Variants in DNAH9 observed in about 807,000 individuals in gnomAD.
DNAH9 encodes the protein dynein axonemal heavy chain 9, also known as DNAH9 variant protein.
DNAH9 carries 345 observed loss-of-function variants against 471.6 expected under a neutral mutation model. That is an observed-to-expected ratio of 0.73 (90% CI 0.67 to 0.80). The LOEUF is 0.80. DNAH9 is among the 30% of genes least tolerant of loss of function. The pLI is 0.00. For missense variants in DNAH9, 5,407 were observed against 5,609.2 expected (o/e 0.96, Z 1.15); for synonymous variants, 2,093 against 2,123.6 (o/e 0.99, Z 0.40).
intron 56 of DNAH9, among the ~76,000 whole-genome samples, chr17:11,885,025 T>C (rs1324185834): frequency 6.6e-6 from 1 of 152,210 alleles, no homozygotes; most frequent in Non-Finnish European, 1.5e-5. Context: ...TTGTTCAGTT[T>C]CTTTTTGTCT....
At chr17:11,911,370 T>G (rs183106125) in intron 61 of DNAH9, among the ~76,000 whole-genome samples, 2 of 152,348 alleles carry the variant, frequency 1.3e-5, no homozygotes, top group East Asian at 3.9e-4. Context: ...GGACTATTAT[T>G]TATATCACAT....
intron 32 of DNAH9, among the ~76,000 whole-genome samples, chr17:11,749,444 T>C (rs1401978564): frequency 6.6e-6 from 1 of 152,124 alleles, no homozygotes. Flanking sequence ...GCATTGCTAA[T>C]GCTTCCCCAA....
intron 49 of DNAH9, among the ~76,000 whole-genome samples, chr17:11,848,042 AACCT>A: frequency 6.6e-6 from 1 of 152,160 alleles, no homozygotes; most frequent in East Asian, 1.9e-4. Flanking sequence ...GTGGAACTGG[AACCT>A]CCCCAGCTCC....
chr17:11,925,384 A>C, intron 62 of DNAH9: 1 of 311,394 alleles, frequency 3.2e-6, no homozygotes, highest in Non-Finnish European at 6.4e-6. Flanking sequence ...CTTTGTCCTT[A>C]ATTATTCAGT....
chr17:11,849,199 A>G (rs1971328212), intron 49 of DNAH9, among the ~76,000 whole-genome samples: 1 of 151,906 alleles, frequency 6.6e-6, no homozygotes, highest in Non-Finnish European at 1.5e-5. Flanking sequence ...CCCAAATCCA[A>G]TCACTTCTCA....
intron 5 of DNAH9, 22 bp from the exon 6 acceptor site, chr17:11,619,526 T>C (rs779890466): frequency 2.5e-5 from 35 of 1,405,938 alleles, no homozygotes; most frequent in Non-Finnish European, 2.9e-5. Context: ...TGCTCAGTGA[T>C]ACTAATCTGT....
At chr17:11,771,919 G>A (rs1181076820) in intron 38 of DNAH9, among the ~76,000 whole-genome samples, 2 of 152,092 alleles carry the variant, frequency 1.3e-5, no homozygotes, top group African/African-American at 2.4e-5. Context: ...CTGTGAATAA[G>A]AATTTGTATT....
At chr17:11,688,971 C>G (rs1402398394) in intron 19 of DNAH9, among the ~76,000 whole-genome samples, 1 of 152,034 alleles carries the variant, frequency 6.6e-6, no homozygotes, top group African/African-American at 2.4e-5. Context: ...TGGCAGGTGT[C>G]TGTATTCCCA....
At chr17:11,612,104 G>T in intron 4 of DNAH9, 1 of 578,584 alleles carries the variant, frequency 1.7e-6, no homozygotes, top group South Asian at 2.2e-5. Flanking sequence ...AGAACTTATT[G>T]ACTTAACACA....
chr17:11,770,595 G>A (rs1968167525), intron 38 of DNAH9, among the ~76,000 whole-genome samples: 1 of 152,188 alleles, frequency 6.6e-6, no homozygotes, highest in East Asian at 1.9e-4. Flanking sequence ...ATCCACTGCT[G>A]AGCCAATCCC....
intron 50 of DNAH9, among the ~76,000 whole-genome samples, chr17:11,859,494 A>G (rs1335618838): frequency 6.6e-6 from 1 of 152,040 alleles, no homozygotes; most frequent in African/African-American, 2.4e-5. Context: ...TCTATTACAT[A>G]GAGGCAGCTC....
chr17:11,679,877 G>T lies in DNAH9; in HGVS notation c.3474G>T (p.Arg1158=), dbSNP rs759728725. 1.2e-6 allele frequency: 2 copies of T among 1,614,108 alleles called. No individual in the cohort carries two copies. Among genetic ancestry groups the T allele is most frequent in the Non-Finnish European group, 1.7e-6 (2 of 1,179,996 alleles). The change falls in exon 18 of 69, where the codon CGG becomes CGT. Residue 1158 remains arginine (R), a synonymous_variant. Coordinates refer to ENST00000262442, the MANE Select transcript of DNAH9 (RefSeq NM_001372.4). ...IMGHLMAVKE[R]QSNTDEMFEP... Reference sequence around the variant, plus strand: ...GACACCTTATGGCTGTTAAAGAACGGCAGAGTAACACTGATGAGATGTTTG... The same window carrying T: ...GACACCTTATGGCTGTTAAAGAACGTCAGAGTAACACTGATGAGATGTTTG...
chr17:11,822,245 A>G (rs902604463), intron 46 of DNAH9, among the ~76,000 whole-genome samples, 183 bp downstream of exon 46: 8 of 152,202 alleles, frequency 5.3e-5, no homozygotes, highest in Admixed American at 1.3e-4. Context: ...GGGCAGCAGC[A>G]TCCCTTGTGG....
chr17:11,789,046 C>T (rs1265207640), intron 41 of DNAH9, among the ~76,000 whole-genome samples: 1 of 151,976 alleles, frequency 6.6e-6, no homozygotes, highest in Non-Finnish European at 1.5e-5. Context: ...TGATTATTTT[C>T]AAACATTAAA....
chr17:11,707,135 T>TGGGAAA (rs1223985782), intron 26 of DNAH9, among the ~76,000 whole-genome samples: 1 of 152,174 alleles, frequency 6.6e-6, no homozygotes, highest in African/African-American at 2.4e-5. Flanking sequence ...TAAATTCTGC[T>TGGGAAA]GGGAGTTCAT....
chr17:11,931,562 C>G (rs530972672), intron 63 of DNAH9, among the ~76,000 whole-genome samples: 90 of 152,256 alleles, frequency 5.9e-4, no homozygotes, highest in Admixed American at 1.0e-3. Context: ...TTCAGTACCC[C>G]CTGTACTCTT....
Position 11,623,681 on chromosome 17 carries a change from T to A in DNAH9, c.1350+3900T>A, listed in dbSNP as rs2072917964. Among the ~76,000 whole-genome samples the A allele has an allele frequency of 6.6e-6, 1 of 152,198 alleles. No homozygotes were observed. The highest frequency in any genetic ancestry group is 1.5e-5 in the Non-Finnish European group (1 of 68,038). On this transcript the variant is annotated intron_variant, in intron 6 of 68. Coordinates refer to ENST00000262442, the MANE Select transcript of DNAH9 (RefSeq NM_001372.4). This position sits in a 1 kb window ranked among gnomAD's most constrained non-coding sequence, Gnocchi z 4.1. The stretch of plus-strand genomic sequence containing the variant: ...TTGAAATGGGATTAATCTGCTCCTC[T>A]CCAGTAAGAATTATCATGAACTTAG...
chr17:11,762,310 A>T lies in DNAH9; in HGVS notation c.6996-1130A>T, dbSNP rs149992695. 1.5e-3 allele frequency among the ~76,000 whole-genome samples: 235 copies of T among 152,264 alleles called. 1 individual carries two copies. The highest frequency in any genetic ancestry group is 5.3e-3 in the African/African-American group (221 of 41,556). On this transcript the variant is annotated intron_variant, in intron 35 of 68. Transcript: ENST00000262442. The stretch of plus-strand genomic sequence containing the variant: ...AACGGACTCTGCCTCCATGCTGCCT[A>T]TGAACACTTCATCCTGTGGGAGGTG...
intron 59 of DNAH9, among the ~76,000 whole-genome samples, chr17:11,897,146 ATAT>A (rs1293438833): frequency 5.3e-5 from 8 of 152,236 alleles, no homozygotes; most frequent in African/African-American, 1.9e-4. Flanking sequence ...TACAGCCAAA[ATAT>A]TATCTCAATA....
Sources: gnomAD v4.1 joint callset for allele counts (sites outside exome capture counted in the v4.1 genomes callset) on GRCh38, gnomAD v4.1.1 for gene constraint, Gnocchi (gnomAD v3.1) non-coding constraint, MANE v1.5 for transcripts, NCBI Gene and HGNC (gene_info 2026-07-23, HGNC 2026-07-21) for gene names.